The following RORB variants were observed in gnomAD, a reference collection of about 807,000 sequenced individuals.
RORB encodes RAR related orphan receptor B, also known as nuclear receptor ROR-beta.
RORB carries 6 observed loss-of-function variants against 59.1 expected under a neutral mutation model. That is an observed-to-expected ratio of 0.10 (90% CI 0.06 to 0.20). RORB has a LOEUF of 0.20. Ranked by LOEUF, RORB falls within the 10% of genes least tolerant of loss-of-function variation. RORB has a pLI of 1.00. For missense variants in RORB, 320 were observed against 560.5 expected (o/e 0.57, Z 4.33); for synonymous variants, 215 against 204.5 (o/e 1.05, Z -0.44).
intron 3 of RORB, among the ~76,000 whole-genome samples, chr9:74,637,930 C>T (rs1020319277): frequency 2.6e-5 from 4 of 152,130 alleles, no homozygotes; most frequent in Non-Finnish European, 4.4e-5. Context: ...AACATTTCAA[C>T]ATCACAAGGA....
In RORB at chr9:74,497,847, A is replaced by T; in HGVS notation, c.-130A>T. ...GCAGCCACGGCGTCCGCCTAAAGGG[A>T]TGGTTTTCTCGGCAGAGCAGCTCTT... On this transcript the variant is annotated 5_prime_UTR_variant, in exon 1 of 10. The change abolishes an upstream ATG in the 5' untranslated region. Transcript: ENST00000376896. 1.8e-6 allele frequency: 2 copies of T among 1,130,446 alleles called. No homozygotes were observed. Among genetic ancestry groups the T allele is most frequent in the Non-Finnish European group, 2.6e-6 (2 of 773,254 alleles). 70.0% of individuals were successfully genotyped at this position (1,130,446 alleles called of 1,614,324 possible).
chr9:74,653,763 C>T (rs1327568450), intron 4 of RORB, among the ~76,000 whole-genome samples: 1 of 151,904 alleles, frequency 6.6e-6, no homozygotes, highest in African/African-American at 2.4e-5. Context: ...CAATCCGTGT[C>T]TGAGACATTG....
chr9:74,522,054 T>C (rs1344630850), intron 1 of RORB, among the ~76,000 whole-genome samples: 1 of 151,838 alleles, frequency 6.6e-6, no homozygotes, highest in Admixed American at 6.6e-5. Flanking sequence ...AATGAAAATG[T>C]ATTGAGCAGT....
intron 1 of RORB, among the ~76,000 whole-genome samples, chr9:74,503,749 A>G (rs1208265674): frequency 6.6e-6 from 1 of 152,062 alleles, no homozygotes; most frequent in African/African-American, 2.4e-5. Flanking sequence ...GTAGCGCAAG[A>G]CAAAGGAAGC....
chr9:74,571,173 G>A (rs1289080881), intron 1 of RORB, among the ~76,000 whole-genome samples: 1 of 151,910 alleles, frequency 6.6e-6, no homozygotes, highest in Non-Finnish European at 1.5e-5. Flanking sequence ...CTAAAAATTG[G>A]TTAAATTACT....
At chr9:74,510,795 T>C (rs919959286) in intron 1 of RORB, among the ~76,000 whole-genome samples, 49 of 152,176 alleles carry the variant, frequency 3.2e-4, no homozygotes, top group African/African-American at 1.2e-3. Flanking sequence ...GGAGGAAATA[T>C]AAGTGGTTAA....
chr9:74,621,927 G>GTA (rs1173177856), intron 1 of RORB, among the ~76,000 whole-genome samples: 2 of 152,024 alleles, frequency 1.3e-5, no homozygotes, highest in Admixed American at 6.6e-5. Context: ...AGAGCACTTT[G>GTA]TATATTTTGG....
chr9:74,515,991 G>A (rs1193928178), intron 1 of RORB, among the ~76,000 whole-genome samples: 3 of 152,032 alleles, frequency 2.0e-5, no homozygotes, highest in African/African-American at 7.2e-5. Context: ...GCATAAGAGA[G>A]AGAACTAACA....
intron 1 of RORB, among the ~76,000 whole-genome samples, chr9:74,617,058 G>A (rs1265874081): frequency 6.8e-6 from 1 of 147,382 alleles, no homozygotes; most frequent in Non-Finnish European, 1.5e-5. Context: ...TTTCAGTAAT[G>A]TCTTTCTCGT....
At chr9:74,605,011 C>T (rs778146201) in intron 1 of RORB, among the ~76,000 whole-genome samples, 28 of 152,062 alleles carry the variant, frequency 1.8e-4, no homozygotes, top group Non-Finnish European at 3.2e-4. Context: ...TATGGTAAGC[C>T]CCCAAGCTTT....
rs533216564 is a variant in RORB at position 74,513,642 on chromosome 9, G to A, written c.7+15659G>A. On this transcript the variant is annotated intron_variant, in intron 1 of 9. Transcript: ENST00000376896. ...TAACTAATAAAAGACTTTCAAACAT[G>A]AGAATTTAGACATTAGAATAAAATC... is the stretch of plus-strand genomic sequence containing the variant. Among the ~76,000 whole-genome samples, 7 of 152,072 alleles carry A rather than the reference G, an allele frequency of 4.6e-5. No homozygotes were observed. In the South Asian group the frequency reaches 8.3e-4, roughly 18 times the overall value.
At chr9:74,597,675 G>A (rs1204483328) in intron 1 of RORB, among the ~76,000 whole-genome samples, 1 of 152,076 alleles carries the variant, frequency 6.6e-6, no homozygotes, top group Non-Finnish European at 1.5e-5. Flanking sequence ...TTTTATATTG[G>A]TGGCTGGGCA....
chr9:74,509,290 G>A (rs1825904655), intron 1 of RORB, among the ~76,000 whole-genome samples: 1 of 151,958 alleles, frequency 6.6e-6, no homozygotes. Flanking sequence ...CAAATTCAAA[G>A]TATAAGTAGT....
intron 1 of RORB, among the ~76,000 whole-genome samples, chr9:74,561,352 A>C (rs1411074993): frequency 6.6e-6 from 1 of 152,198 alleles, no homozygotes; most frequent in African/African-American, 2.4e-5. Context: ...AAGGTACTAA[A>C]GTAAATATCT....
intron 8 of RORB, among the ~76,000 whole-genome samples, chr9:74,671,171 G>A (rs1824339229): frequency 6.6e-6 from 1 of 151,724 alleles, no homozygotes; most frequent in South Asian, 2.1e-4. Flanking sequence ...AGAAAGGAGG[G>A]AAGGAAGAAA....
chr9:74,611,802 C>G (rs921180723), intron 1 of RORB, among the ~76,000 whole-genome samples: 2 of 152,174 alleles, frequency 1.3e-5, no homozygotes, highest in Non-Finnish European at 2.9e-5. Context: ...CACCCACCAC[C>G]CTGCCTGGCT....
intron 6 of RORB, among the ~76,000 whole-genome samples, chr9:74,663,736 G>A (rs1338061634): frequency 6.6e-6 from 1 of 152,158 alleles, no homozygotes; most frequent in African/African-American, 2.4e-5. Flanking sequence ...CAGCTGATGA[G>A]TTGTGCTAGT....
chr9:74,553,059 C>T (rs1418512551), intron 1 of RORB, among the ~76,000 whole-genome samples: 10 of 152,126 alleles, frequency 6.6e-5, no homozygotes, highest in South Asian at 2.1e-4. Context: ...AGGGTGGATG[C>T]GTTCGGAGAG....
At chr9:74,613,186 T>C (rs923782529) in intron 1 of RORB, among the ~76,000 whole-genome samples, 1 of 152,210 alleles carries the variant, frequency 6.6e-6, no homozygotes, top group African/African-American at 2.4e-5. Context: ...TCCCAGTGTG[T>C]TTCAGACACA....
Sources: gnomAD v4.1 joint callset for allele counts (sites outside exome capture counted in the v4.1 genomes callset) on GRCh38, gnomAD v4.1.1 for gene constraint, MANE v1.5 for transcripts, NCBI Gene and HGNC (gene_info 2026-07-23, HGNC 2026-07-21) for gene names.